Variants in PPP2R5C observed in about 807,000 individuals in gnomAD.
PPP2R5C encodes the protein serine/threonine-protein phosphatase 2A 56 kDa regulatory subunit gamma isoform.
PPP2R5C carries 7 observed loss-of-function variants against 68.9 expected under a neutral mutation model. The ratio of observed to expected loss-of-function variants is 0.10; its 90% confidence interval spans 0.06 to 0.19. PPP2R5C has a LOEUF of 0.19. Ranked by LOEUF, PPP2R5C falls within the 10% of genes least tolerant of loss-of-function variation. PPP2R5C has a pLI of 1.00. For synonymous variants in PPP2R5C, 210 were observed against 222.2 expected (o/e 0.95, Z 0.49); for missense variants, 348 against 641.3 (o/e 0.54, Z 4.94).
At chr14:101,799,843 T>G (rs1255466851) in intron 3 of PPP2R5C, among the ~76,000 whole-genome samples, 1 of 152,224 alleles carries the variant, frequency 6.6e-6, no homozygotes, top group Non-Finnish European at 1.5e-5. Context: ...TTATCCAGAT[T>G]TCCTTGGTTC....
intron 1 of PPP2R5C, chr14:101,824,082 C>T: frequency 7.8e-7 from 1 of 1,289,164 alleles, no homozygotes. Flanking sequence ...CCAGGACTGA[C>T]TTTCCACTTG....
intron 8 of PPP2R5C, among the ~76,000 whole-genome samples, chr14:101,896,148 T>C (rs1437249667): frequency 6.6e-6 from 1 of 152,028 alleles, no homozygotes; most frequent in African/African-American, 2.4e-5. Flanking sequence ...GCCTCCCAAG[T>C]AGCTGGGATT....
At chr14:101,764,989 T>A (rs2036777753) in intron 2 of PPP2R5C, among the ~76,000 whole-genome samples, 1 of 152,182 alleles carries the variant, frequency 6.6e-6, no homozygotes, top group African/African-American at 2.4e-5. Context: ...TAAGGATGAA[T>A]AATGTTAAGT....
At chr14:101,787,592 T>C (rs1299797326) in intron 3 of PPP2R5C, among the ~76,000 whole-genome samples, 5 of 146,950 alleles carry the variant, frequency 3.4e-5, no homozygotes, top group South Asian at 2.1e-4. Context: ...TGAAACCCCG[T>C]CTCTACTAAA....
intron 12 of PPP2R5C, chr14:101,914,168 G>T (rs910705061): frequency 2.2e-6 from 1 of 456,066 alleles, no homozygotes; most frequent in Non-Finnish European, 4.4e-6. Context: ...GTCTGTGGTG[G>T]TGGCAGGCAT....
chr14:101,927,301 ACACT>A (rs1477512286), exon 14 of PPP2R5C: 1 of 152,440 alleles, frequency 6.6e-6, no homozygotes, highest in Admixed American at 6.5e-5. Flanking sequence ...TTGAAGACAA[ACACT>A]CACCAAAAAG....
In PPP2R5C at chr14:101,898,609, G is replaced by A. The variant is rs539596560; in HGVS notation, c.853-3110G>A. 3.3e-5 allele frequency among the ~76,000 whole-genome samples: 5 copies of A among 152,294 alleles called. No homozygotes were observed. The South Asian group carries it at 8.3e-4, about 25-fold the overall frequency. On this transcript the variant is annotated intron_variant, in intron 8 of 13. Transcript: ENST00000334743. The stretch of plus-strand genomic sequence containing the variant: ...CCGGCTTCAGTTGGGTCCTTCCGGC[G>A]TAAATGTTACATGCAGGACTCTGAC...
intron 13 of PPP2R5C, among the ~76,000 whole-genome samples, chr14:101,920,906 C>T (rs1247474267): frequency 6.6e-6 from 1 of 152,024 alleles, no homozygotes; most frequent in African/African-American, 2.4e-5. Context: ...GCTGAGATTA[C>T]AGGTGTGAGG....
chr14:101,833,824 C>T (rs576696592), intron 1 of PPP2R5C, among the ~76,000 whole-genome samples: 3 of 152,186 alleles, frequency 2.0e-5, no homozygotes, highest in Non-Finnish European at 4.4e-5. Flanking sequence ...GTTTTTAAGA[C>T]GGAGTCTCGC....
intron 1 of PPP2R5C, among the ~76,000 whole-genome samples, chr14:101,816,680 A>C (rs1031468960): frequency 6.6e-6 from 1 of 151,812 alleles, no homozygotes; most frequent in African/African-American, 2.4e-5. Context: ...TGAAGTATTA[A>C]TAAGTGAAGG....
chr14:101,907,822 C>T (rs891181949), intron 10 of PPP2R5C, among the ~76,000 whole-genome samples: 4 of 152,204 alleles, frequency 2.6e-5, no homozygotes, highest in African/African-American at 4.8e-5. Context: ...TCTCCTTGTC[C>T]GCTCGAGGCT....
intron 1 of PPP2R5C, among the ~76,000 whole-genome samples, chr14:101,832,615 G>A (rs1051430518): frequency 2.0e-5 from 3 of 152,172 alleles, no homozygotes; most frequent in East Asian, 1.9e-4. Context: ...TGGGTTACAA[G>A]CAGTGGAGAC....
In PPP2R5C at chr14:101,835,131, A is replaced by AC. The variant is rs148431208; in HGVS notation, c.95-21551dup. On this transcript the variant is annotated intron_variant, in intron 1 of 13. Transcript: ENST00000334743. The surrounding 1 kb of genome is among the most constrained non-coding windows in gnomAD (Gnocchi z 5.0). ...TTCCAGCACAGCCGACTGTCCAGCA[A>AC]CCCCAGAATTGGTAGGCTGGACACT... Among the ~76,000 whole-genome samples, 141 of 152,186 alleles carry AC rather than the reference A, an allele frequency of 9.3e-4. No homozygotes were observed. The highest frequency in any genetic ancestry group is 2.7e-3 in the African/African-American group (114 of 41,504).
intron 1 of PPP2R5C, chr14:101,823,733 T>C (rs927303506): frequency 3.9e-6 from 4 of 1,034,942 alleles, no homozygotes; most frequent in African/African-American, 1.7e-5. Flanking sequence ...AGCACTTGGG[T>C]TTTCTGACTC....
chr14:101,907,209 C>T (rs749375923), intron 10 of PPP2R5C, among the ~76,000 whole-genome samples: 5 of 151,852 alleles, frequency 3.3e-5, no homozygotes, highest in Admixed American at 6.6e-5. Flanking sequence ...CTTGCTATGT[C>T]CCCCCGGCTG....
intron 2 of PPP2R5C, among the ~76,000 whole-genome samples, chr14:101,875,379 G>A (rs570527387): frequency 6.6e-5 from 10 of 152,304 alleles, no homozygotes; most frequent in Admixed American, 1.3e-4. Context: ...AAAATGTACA[G>A]CATCATAGAA....
chr14:101,852,764 G>C (rs182319870), intron 1 of PPP2R5C, among the ~76,000 whole-genome samples: 5 of 151,958 alleles, frequency 3.3e-5, no homozygotes, highest in African/African-American at 1.2e-4. Flanking sequence ...GAGCCACCGC[G>C]CCTGGCCAGA....
chr14:101,878,952 A>G (rs1209271998), intron 2 of PPP2R5C, among the ~76,000 whole-genome samples: 2 of 152,318 alleles, frequency 1.3e-5, no homozygotes, highest in Admixed American at 1.3e-4. Flanking sequence ...TTTAACCACG[A>G]TGGGTGAAAT....
At chr14:101,778,398 T>C (rs1211311541) in intron 2 of PPP2R5C, among the ~76,000 whole-genome samples, 2 of 152,194 alleles carry the variant, frequency 1.3e-5, no homozygotes, top group Non-Finnish European at 2.9e-5. Context: ...CACAAAAATG[T>C]TTAATTTTTA....
Sources: gnomAD v4.1 joint callset for allele counts (sites outside exome capture counted in the v4.1 genomes callset) on GRCh38, gnomAD v4.1.1 for gene constraint, Gnocchi (gnomAD v3.1) non-coding constraint, MANE v1.5 for transcripts, NCBI Gene and HGNC (gene_info 2026-07-23, HGNC 2026-07-21) for gene names.